ANKRD17: variants seen among roughly 807,000 people sequenced by gnomAD.
ANKRD17 encodes ankyrin repeat domain-containing protein 17.
Under a neutral mutation model 229.7 loss-of-function variants are expected in ANKRD17, and 19 were observed. The observed-to-expected ratio is 0.08, with a 90% confidence interval of 0.06 to 0.12. ANKRD17 has a LOEUF of 0.12. Among genes scored for constraint, ANKRD17 ranks in the 10% least tolerant of loss-of-function variants. The pLI is 1.00. For missense variants in ANKRD17, 2,176 were observed against 3,176.8 expected (o/e 0.68, Z 7.57); for synonymous variants, 1,112 against 1,146.1 (o/e 0.97, Z 0.60).
chr4:73,091,749 T>C lies in ANKRD17; in HGVS notation c.5879A>G (p.Asn1960Ser), dbSNP rs775271719. Reference protein sequence around the residue: ...SNQNSSGSQVNSAGSLTSSPT... With the variant: ...SNQNSSGSQVSSAGSLTSSPT... ...GCTTGAAGTTAAAGAACCTGCTGAATTCACCTGAGAACCACTGCTATTCTG... is the reference window on the plus strand; with the variant it reads ...GCTTGAAGTTAAAGAACCTGCTGAACTCACCTGAGAACCACTGCTATTCTG... The change falls in exon 29 of 34, where the codon AAT becomes AGT. Residue 1960 changes from asparagine to serine, a missense_variant. Asn to Ser is a conservative substitution (Grantham distance 46). Transcript: ENST00000358602. 3.7e-6 allele frequency: 6 copies of C among 1,614,180 alleles called. No homozygotes were observed. In the South Asian group the frequency reaches 5.5e-5, roughly 15 times the overall value.
At chr4:73,216,093 T>A (rs967365215) in intron 1 of ANKRD17, among the ~76,000 whole-genome samples, 2 of 152,092 alleles carry the variant, frequency 1.3e-5, no homozygotes, top group South Asian at 4.1e-4. Context: ...AAAGTTAAAT[T>A]AAATTAATAA....
At chr4:73,212,739 A>G (rs1435564466) in intron 1 of ANKRD17, among the ~76,000 whole-genome samples, 2 of 152,108 alleles carry the variant, frequency 1.3e-5, no homozygotes, top group Admixed American at 1.3e-4. Flanking sequence ...AATTTAGGCC[A>G]GCACAGTGGC....
Position 73,098,524 on chromosome 4 carries a change from TA to T in ANKRD17, c.4574-5del, listed in dbSNP as rs1560514002. 6.2e-7 allele frequency: 1 copy of T among 1,606,822 alleles called. No individual in the cohort carries two copies. The highest frequency in any genetic ancestry group is 1.3e-5 in the African/African-American group (1 of 74,288). ...TCTGTCAAGACTTCAGGCTCATCTG[TA>T]AAAGTAGCAATACTGAATTAGCAAG... On this transcript the variant is annotated splice_region_variant and splice_polypyrimidine_tract_variant and intron_variant, in intron 25 of 33. Transcript: ENST00000358602.
Position 73,139,841 on chromosome 4 carries a change from G to C in ANKRD17, c.2775C>G (p.Asp925Glu). 6.2e-7 allele frequency: 1 copy of C among 1,614,244 alleles called. No homozygotes were observed. The highest frequency in any genetic ancestry group is 8.5e-7 in the Non-Finnish European group (1 of 1,180,038). The stretch of plus-strand genomic sequence containing the variant: ...GATCCACTTGCTGTAACCGTGCATA[G>C]TCTCCCTCAGAAAGCTGCTCTCCAA... The part of the protein sequence containing the change: ...VGVGEQLSEG[D>E]YARLQQVDPV... Residue 925 changes from aspartate (D) to glutamate (E), a missense_variant, in exon 15 of 34, where the codon GAC becomes GAG. By Grantham distance (45) the Asp-to-Glu change is conservative. Around this residue, in one of 18 missense-constraint regions of ANKRD17, gnomAD observed 230 missense variants for 252.3 expected, o/e 0.91. Transcript: ENST00000358602.
chr4:73,114,006 T>C (rs1725629981), intron 23 of ANKRD17, 98 bp from the exon 24 acceptor site: 1 of 783,788 alleles, frequency 1.3e-6, no homozygotes, highest in Admixed American at 2.2e-5. Context: ...TACTCAAACC[T>C]AAGCAATAAA....
intron 1 of ANKRD17, 107 bp downstream of exon 1, chr4:73,258,169 A>C: frequency 1.3e-6 from 2 of 1,552,732 alleles, no homozygotes; most frequent in Non-Finnish European, 1.7e-6. Flanking sequence ...CCTGGCCCCT[A>C]AGAGATCAAC....
At chr4:73,232,380 C>G (rs1048188384) in intron 1 of ANKRD17, among the ~76,000 whole-genome samples, 6 of 152,116 alleles carry the variant, frequency 3.9e-5, no homozygotes, top group African/African-American at 1.4e-4. Context: ...TTTAGAGGCA[C>G]TGGAAGGAAG....
At chr4:73,236,609 T>G (rs1743535821) in intron 1 of ANKRD17, among the ~76,000 whole-genome samples, 1 of 152,032 alleles carries the variant, frequency 6.6e-6, no homozygotes, top group Non-Finnish European at 1.5e-5. Context: ...CATTATAATC[T>G]AACTAAAGTC....
chr4:73,203,493 C>A (rs145959251), intron 1 of ANKRD17, among the ~76,000 whole-genome samples: 1 of 152,086 alleles, frequency 6.6e-6, no homozygotes, highest in African/African-American at 2.4e-5. Context: ...CGCGATGGCT[C>A]ACACCTGTAA....
chr4:73,165,072 A>C (rs1560632609), intron 2 of ANKRD17, among the ~76,000 whole-genome samples: 1 of 152,148 alleles, frequency 6.6e-6, no homozygotes, highest in Non-Finnish European at 1.5e-5. Flanking sequence ...ACTAGGAAAA[A>C]TCTGTATATA....
chr4:73,111,309 T>G (rs1725289468), intron 24 of ANKRD17, among the ~76,000 whole-genome samples: 1 of 152,212 alleles, frequency 6.6e-6, no homozygotes, highest in Middle Eastern at 3.4e-3. Flanking sequence ...AAAATTAGGG[T>G]TTCTTGAACA....
chr4:73,247,959 T>C (rs143775337), intron 1 of ANKRD17, among the ~76,000 whole-genome samples: 1 of 152,128 alleles, frequency 6.6e-6, no homozygotes, highest in East Asian at 1.9e-4. Context: ...TTTCTGCAAA[T>C]ATGTGTTTCT....
chr4:73,103,291 A>T (rs1724219893), intron 24 of ANKRD17, among the ~76,000 whole-genome samples: 1 of 151,890 alleles, frequency 6.6e-6, no homozygotes, highest in African/African-American at 2.4e-5. Flanking sequence ...GTATAAATAC[A>T]GAAAAAAAAA....
chr4:73,236,204 T>G (rs1194394911), intron 1 of ANKRD17, among the ~76,000 whole-genome samples: 1 of 151,902 alleles, frequency 6.6e-6, no homozygotes, highest in Non-Finnish European at 1.5e-5. Flanking sequence ...TCACCTAGAC[T>G]GGAGTGCAGT....
At position 73,213,972 on chromosome 4, in the gene ANKRD17, ATC is replaced by A. The variant is rs1740662182; in HGVS notation, c.394-36441_394-36440del. ...CTCAAATTTGACAAATATTTCATAT[ATC>A]TGTTTCACTTACCACTTAATATTAC... On this transcript the variant is annotated intron_variant, in intron 1 of 33. Transcript: ENST00000358602. Among the ~76,000 whole-genome samples, 4 of 152,328 alleles carry A rather than the reference ATC, an allele frequency of 2.6e-5. No individual in the cohort carries two copies. In the South Asian group the frequency reaches 8.3e-4, roughly 32 times the overall value.
intron 21 of ANKRD17, 140 bp downstream of exon 21, chr4:73,120,022 G>A: frequency 1.2e-6 from 1 of 848,850 alleles, no homozygotes; most frequent in Non-Finnish European, 1.9e-6. Flanking sequence ...AAAACAATGG[G>A]TAGGTTTGGG....
In ANKRD17 at chr4:73,080,111, C is replaced by CT. The variant is rs1257541139; in HGVS notation, c.7160-1222dup. 4.6e-5 allele frequency among the ~76,000 whole-genome samples: 7 copies of CT among 152,082 alleles called. No homozygotes were observed. The South Asian group carries it at 1.2e-3, about 27-fold the overall frequency. On this transcript the variant is annotated intron_variant, in intron 30 of 33. Coordinates refer to ENST00000358602, the MANE Select transcript of ANKRD17 (RefSeq NM_032217.5). ...ACAGAGCAAGATGACTCCATCCCCCCTCCCCCTCCCAAAAAAGCTTAAATA... is the reference window on the plus strand; with the variant it reads ...ACAGAGCAAGATGACTCCATCCCCCCTTCCCCCTCCCAAAAAAGCTTAAATA...
chr4:73,236,634 G>C (rs907760771), intron 1 of ANKRD17, among the ~76,000 whole-genome samples: 2 of 151,460 alleles, frequency 1.3e-5, no homozygotes, highest in Non-Finnish European at 2.9e-5. Flanking sequence ...ACCTAAAAAA[G>C]GTAAAGAAAA....
At chr4:73,089,797 T>C (rs1722606942) in intron 29 of ANKRD17, among the ~76,000 whole-genome samples, 1 of 152,254 alleles carries the variant, frequency 6.6e-6, no homozygotes, top group Non-Finnish European at 1.5e-5. Context: ...TTTTGGATAA[T>C]AGAAATGTTC....
Sources: allele counts gnomAD v4.1 joint callset (sites outside exome capture counted in the v4.1 genomes callset), GRCh38; gene constraint gnomAD v4.1.1; regional missense constraint gnomAD v4.1.1; transcripts MANE v1.5; gene names NCBI Gene and HGNC (gene_info 2026-07-23, HGNC 2026-07-21).